Variants in FAF1 observed in about 807,000 individuals in gnomAD.
FAF1 encodes FAS-associated factor 1.
Under a neutral mutation model 92.5 loss-of-function variants are expected in FAF1, and 25 were observed. The ratio of observed to expected loss-of-function variants is 0.27; its 90% CI spans 0.20 to 0.38. The LOEUF (loss-of-function observed/expected upper bound fraction) is 0.38. Among genes scored for constraint, FAF1 ranks in the 10% least tolerant of loss-of-function variants. FAF1 has a pLI of 1.00. For synonymous variants in FAF1, 234 were observed against 273.2 expected, an observed-to-expected ratio of 0.86 and a Z score of 1.42; for missense variants, 636 against 793.3, an observed-to-expected ratio of 0.80 and a Z score of 2.38.
intron 6 of FAF1, among the ~76,000 whole-genome samples, chr1:50,711,815 CTCCTTATGAGT>C (rs1301026911): frequency 6.6e-6 from 1 of 152,126 alleles, no homozygotes; most frequent in Non-Finnish European, 1.5e-5. Context: ...CACATTCGTG[CTCCTTATGAGT>C]AGAGTTTGTT....
chr1:50,663,930 C>G (rs1655505279), intron 7 of FAF1, among the ~76,000 whole-genome samples: 1 of 151,170 alleles, frequency 6.6e-6, no homozygotes, highest in Non-Finnish European at 1.5e-5. Context: ...AAGATACTAC[C>G]TCTTTACTAC....
At chr1:50,518,672 C>A (rs1307342292) in intron 15 of FAF1, among the ~76,000 whole-genome samples, 1 of 152,080 alleles carries the variant, frequency 6.6e-6, no homozygotes, top group Non-Finnish European at 1.5e-5. Flanking sequence ...AATCTCCTGA[C>A]CTTGTGATCT....
At chr1:50,793,623 T>C (rs1168288420) in intron 3 of FAF1, among the ~76,000 whole-genome samples, 1 of 152,224 alleles carries the variant, frequency 6.6e-6, no homozygotes, top group African/African-American at 2.4e-5. Context: ...TGATCTTGCA[T>C]ACGTGTTTTA....
At chr1:50,849,579 T>G (rs1165196969) in intron 2 of FAF1, among the ~76,000 whole-genome samples, 1 of 152,164 alleles carries the variant, frequency 6.6e-6, no homozygotes, top group Admixed American at 6.5e-5. Context: ...TCCTAAAATA[T>G]AGACTATATT....
chr1:50,498,240 CTCA>C (rs1327599276), intron 15 of FAF1, among the ~76,000 whole-genome samples: 1 of 151,708 alleles, frequency 6.6e-6, no homozygotes, highest in African/African-American at 2.4e-5. Flanking sequence ...CTCATCATAC[CTCA>C]TATTAAAAAA....
intron 7 of FAF1, among the ~76,000 whole-genome samples, chr1:50,657,974 A>G (rs928535761): frequency 4.6e-5 from 7 of 152,186 alleles, no homozygotes; most frequent in African/African-American, 1.7e-4. Flanking sequence ...ATCATTTGGA[A>G]ATTTTTATCA....
At chr1:50,632,137 A>C (rs1403540413) in intron 8 of FAF1, among the ~76,000 whole-genome samples, 1 of 152,212 alleles carries the variant, frequency 6.6e-6, no homozygotes, top group Admixed American at 6.5e-5. Context: ...AGTTAACAAT[A>C]AGAAGTAAGG....
At chr1:50,468,145 G>A (rs111738064) in intron 18 of FAF1, among the ~76,000 whole-genome samples, 455 of 152,168 alleles carry the variant, frequency 3.0e-3, no homozygotes, top group African/African-American at 0.01. Flanking sequence ...GGAGGCTGGG[G>A]CTGCAGTGAG....
intron 4 of FAF1, among the ~76,000 whole-genome samples, chr1:50,762,043 T>C (rs1173238794): frequency 2.6e-5 from 4 of 152,022 alleles, no homozygotes; most frequent in Middle Eastern, 3.2e-3. Flanking sequence ...TATATACCAA[T>C]AACAGACAAA....
chr1:50,564,837 C>T (rs554258296), intron 13 of FAF1, among the ~76,000 whole-genome samples: 34 of 151,970 alleles, frequency 2.2e-4, no homozygotes, highest in African/African-American at 8.2e-4. Flanking sequence ...AAAGTCAATC[C>T]CCTTTTTGGG....
At chr1:50,451,673 G>T in intron 18 of FAF1, 1 of 177,826 alleles carries the variant, frequency 5.6e-6, no homozygotes, top group Non-Finnish European at 1.1e-5. Flanking sequence ...TTAGGCATTT[G>T]GGTGAAATTT....
intron 15 of FAF1, among the ~76,000 whole-genome samples, chr1:50,496,889 C>CAAAA (rs35287623): frequency 1.5e-5 from 2 of 134,280 alleles, no homozygotes; most frequent in African/African-American, 2.7e-5. Flanking sequence ...AACTCCATCT[C>CAAAA]AAAAAAAAAA....
rs1199697582 is a variant in FAF1, at chr1:50,566,119, T to C, written c.1268+958A>G. Among the ~76,000 whole-genome samples the C allele has an allele frequency of 4.6e-5, 7 of 152,228 alleles. No individual in the cohort carries two copies. The East Asian group carries it at 5.8e-4, about 13-fold the overall frequency. On this transcript the variant is annotated intron_variant, in intron 13 of 18. Coordinates refer to ENST00000396153, the MANE Select transcript of FAF1 (RefSeq NM_007051.3). ...CCATTTGCTTAAAGAAATGAAGTAT[T>C]AGATTATGAAATAGCTTCAACATTA... is the stretch of plus-strand genomic sequence containing the variant.
intron 5 of FAF1, among the ~76,000 whole-genome samples, chr1:50,739,442 G>C (rs1310764030): frequency 6.6e-6 from 1 of 151,850 alleles, no homozygotes; most frequent in Non-Finnish European, 1.5e-5. Flanking sequence ...GTGTATATAT[G>C]TGTATACACA....
chr1:50,745,384 A>G (rs533741016), intron 4 of FAF1, among the ~76,000 whole-genome samples: 2 of 152,316 alleles, frequency 1.3e-5, no homozygotes, highest in Non-Finnish European at 2.9e-5. Context: ...TAAAGAGAAG[A>G]GCAACAAGAA....
chr1:50,671,803 T>C (rs1655893915), intron 7 of FAF1, among the ~76,000 whole-genome samples: 1 of 151,084 alleles, frequency 6.6e-6, no homozygotes. Context: ...CATGAACATA[T>C]TAAATTTTAT....
At chr1:50,940,479 T>C (rs896019633) in intron 1 of FAF1, among the ~76,000 whole-genome samples, 6 of 152,180 alleles carry the variant, frequency 3.9e-5, no homozygotes, top group African/African-American at 1.2e-4. Context: ...TCTAAGCTGT[T>C]ATCAAACACG....
At chr1:50,661,484 T>C (rs775750325) in intron 7 of FAF1, among the ~76,000 whole-genome samples, 2 of 152,210 alleles carry the variant, frequency 1.3e-5, no homozygotes, top group African/African-American at 4.8e-5. Flanking sequence ...CACATCATAG[T>C]ACAGCCCTTA....
chr1:50,812,726 T>C (rs548578042), intron 2 of FAF1, among the ~76,000 whole-genome samples: 1 of 152,282 alleles, frequency 6.6e-6, no homozygotes, highest in East Asian at 1.9e-4. Context: ...ACTGCGTATA[T>C]ACCCAAAGGC....
Sources: gnomAD v4.1 joint callset for allele counts (sites outside exome capture counted in the v4.1 genomes callset) on GRCh38, gnomAD v4.1.1 for gene constraint, MANE v1.5 for transcripts, NCBI Gene and HGNC (gene_info 2026-07-23, HGNC 2026-07-21) for gene names.